Variants in CELF2 observed in about 807,000 individuals in gnomAD.
The protein encoded by CELF2 is CUGBP Elav-like family member 2, also known as CUG triplet repeat RNA-binding protein 2.
A neutral mutation model predicts 62.6 loss-of-function variants in CELF2; 8 were observed. That is an observed-to-expected ratio of 0.13 (90% CI 0.07 to 0.23). The LOEUF (loss-of-function observed/expected upper bound fraction) is 0.23. CELF2 is among the 10% of genes least tolerant of loss of function. The pLI is 1.00. For synonymous variants in CELF2, 258 were observed against 250.0 expected (o/e 1.03, Z -0.30); for missense variants, 333 against 671.0 (o/e 0.50, Z 5.56).
chr10:11,210,611 A>G (rs1292366582), intron 2 of CELF2, among the ~76,000 whole-genome samples: 1 of 152,218 alleles, frequency 6.6e-6, no homozygotes, highest in African/African-American at 2.4e-5. Flanking sequence ...AACTTTCCAG[A>G]AAGGTCCCTC....
intron 1 of CELF2, among the ~76,000 whole-genome samples, chr10:11,123,706 G>A (rs775275305): frequency 9.2e-5 from 14 of 152,140 alleles, no homozygotes; most frequent in African/African-American, 1.9e-4. Flanking sequence ...ATCCTGCTGC[G>A]CAGTGGCCAT....
At chr10:10,783,993 A>T in the CELF2 span, among the ~76,000 whole-genome samples, 221 of 152,292 alleles carry the variant, frequency 1.5e-3, 1 homozygote, top group East Asian at 5.0e-3. Context: ...TCCCAAAAAA[A>T]AAAAATAAAT....
chr10:10,997,568 G>A lies in CELF2; in HGVS notation c.89+77569G>A, dbSNP rs1326248631. On this transcript the variant is annotated intron_variant, in intron 2 of 13. Coordinates refer to the CELF2 transcript ENST00000636488. This position sits in a 1 kb window ranked among gnomAD's most constrained non-coding sequence, Gnocchi z 5.3. ...GCACCAAAGGTCATATTCACGTTTGGATCCCAGATAATGGTCGAGTAACGT... is the reference window on the plus strand; with the variant it reads ...GCACCAAAGGTCATATTCACGTTTGAATCCCAGATAATGGTCGAGTAACGT... Among the ~76,000 whole-genome samples the A allele has an allele frequency of 6.6e-6, 1 of 152,228 alleles. No homozygotes were observed. Among genetic ancestry groups the A allele is most frequent in the Non-Finnish European group, 1.5e-5 (1 of 68,042 alleles).
At chr10:10,762,104 T>C in the CELF2 span, among the ~76,000 whole-genome samples, 1 of 152,196 alleles carries the variant, frequency 6.6e-6, no homozygotes, top group African/African-American at 2.4e-5. Context: ...TGTTCTAAAA[T>C]TGGGAGAGAG....
At chr10:10,868,761 A>G (rs1334220477) in intron 1 of CELF2, among the ~76,000 whole-genome samples, 1 of 152,224 alleles carries the variant, frequency 6.6e-6, no homozygotes, top group African/African-American at 2.4e-5. Flanking sequence ...ACAGAAATCA[A>G]TGGATGTATC....
intron 2 of CELF2, among the ~76,000 whole-genome samples, chr10:11,195,653 T>C (rs2134762910): frequency 6.6e-6 from 1 of 152,346 alleles, no homozygotes; most frequent in African/African-American, 2.4e-5. Context: ...CAAGCTCTTT[T>C]GGCAGACCTT....
chr10:10,876,343 TCA>T (rs1395771665), intron 1 of CELF2, among the ~76,000 whole-genome samples: 2 of 152,152 alleles, frequency 1.3e-5, no homozygotes, highest in Non-Finnish European at 1.5e-5. Context: ...CATTCAACCC[TCA>T]CAGTTAAGTT....
the CELF2 span, among the ~76,000 whole-genome samples, chr10:10,677,591 A>G: frequency 6.6e-6 from 1 of 152,178 alleles, no homozygotes; most frequent in Non-Finnish European, 1.5e-5. Flanking sequence ...CCACTGAATG[A>G]TTGTCAACAC....
chr10:11,308,161 T>C lies in CELF2; in HGVS notation c.977-5978T>C, dbSNP rs983173766. On this transcript the variant is annotated intron_variant, in intron 9 of 12. Transcript: ENST00000633077. ...CTGTTAATCTTACTGGGATCCATGA[T>C]GAATCATTTTTCTCTTGCTCCATTC... 5.2e-5 allele frequency among the ~76,000 whole-genome samples: 8 copies of C among 152,382 alleles called. No individual in the cohort carries two copies. In the East Asian group the frequency reaches 9.6e-4, roughly 18 times the overall value.
At chr10:10,604,159 A>G in the CELF2 span, among the ~76,000 whole-genome samples, 6 of 152,334 alleles carry the variant, frequency 3.9e-5, no homozygotes, top group South Asian at 1.2e-3. Flanking sequence ...GCAGTGAGCC[A>G]TGATTTCACT....
the CELF2 span, among the ~76,000 whole-genome samples, chr10:10,701,963 A>G: frequency 1.3e-5 from 2 of 152,288 alleles, no homozygotes; most frequent in Non-Finnish European, 2.9e-5. Context: ...TCTGCAGTCA[A>G]CTCCAAATTA....
chr10:10,823,314 A>G (rs1409201934), intron 1 of CELF2, among the ~76,000 whole-genome samples: 1 of 152,170 alleles, frequency 6.6e-6, no homozygotes, highest in Non-Finnish European at 1.5e-5. Context: ...GTCTCACAGC[A>G]TCTTGGTTGC....
At chr10:10,718,623 CAA>C in the CELF2 span, among the ~76,000 whole-genome samples, 3,608 of 83,854 alleles carry the variant, frequency 0.043, 111 homozygotes, top group African/African-American at 0.12. Context: ...GACTCCGTCT[CAA>C]AAAAAAAAAA....
intron 1 of CELF2, among the ~76,000 whole-genome samples, chr10:11,059,987 TTTTA>T (rs1265122992): frequency 6.6e-6 from 1 of 152,248 alleles, no homozygotes; most frequent in Non-Finnish European, 1.5e-5. Flanking sequence ...CTTGGATTCT[TTTTA>T]TTTAAAAGTG....
chr10:10,694,523 T>C, the CELF2 span, among the ~76,000 whole-genome samples: 2 of 152,326 alleles, frequency 1.3e-5, no homozygotes, highest in East Asian at 3.9e-4. Flanking sequence ...AGATGTCTAC[T>C]AGGTCTGCTT....
At chr10:10,796,222 G>T (rs1429102384), upstream of CELF2, among the ~76,000 whole-genome samples, 5 of 152,140 alleles carry the variant, frequency 3.3e-5, no homozygotes, top group East Asian at 9.6e-4. Flanking sequence ...GTCTTCATTT[G>T]CATTAACAAA....
chr10:10,677,416 A>T, the CELF2 span, among the ~76,000 whole-genome samples: 1 of 152,206 alleles, frequency 6.6e-6, no homozygotes, highest in African/African-American at 2.4e-5. Context: ...TGAGGTTTGG[A>T]CCACAGGGCA....
At position 11,191,373 on chromosome 10, in the gene CELF2, T is replaced by C. The variant is rs1414539052; in HGVS notation, c.271+25691T>C. On this transcript the variant is annotated intron_variant, in intron 2 of 12. Coordinates refer to ENST00000633077, the MANE Select transcript of CELF2 (RefSeq NM_001326342.2). This position sits in a 1 kb window ranked among gnomAD's most constrained non-coding sequence, Gnocchi z 4.1. Reference sequence around the variant, plus strand: ...GTCCTGGTGTTTATAAGGGGCTCCATCACACATGTACCCGTCCTCTATTGT... The same window carrying C: ...GTCCTGGTGTTTATAAGGGGCTCCACCACACATGTACCCGTCCTCTATTGT... Among the ~76,000 whole-genome samples, 1 of 152,130 alleles carries C rather than the reference T, an allele frequency of 6.6e-6. No homozygotes were observed. The highest frequency in any genetic ancestry group is 1.9e-4 in the East Asian group (1 of 5,180).
rs559673480 is a variant in CELF2 at position 11,272,276 on chromosome 10, TTGCTC to T, written c.777+1457_777+1461del. Among the ~76,000 whole-genome samples, 4 of 152,360 alleles carry T rather than the reference TTGCTC, an allele frequency of 2.6e-5. No individual in the cohort carries two copies. The South Asian group carries it at 8.3e-4, about 32-fold the overall frequency. ...TCAGCTGTCTTGCTAAAATCTATATTTGCTCTGCTATTATTTTCTTGACTAATCAG... is the reference window on the plus strand; with the variant it reads ...TCAGCTGTCTTGCTAAAATCTATATTTGCTATTATTTTCTTGACTAATCAG... On this transcript the variant is annotated intron_variant, in intron 7 of 12. Transcript: ENST00000633077.
Sources: allele counts gnomAD v4.1 joint callset (sites outside exome capture counted in the v4.1 genomes callset), GRCh38; gene constraint gnomAD v4.1.1; non-coding constraint Gnocchi (gnomAD v3.1); transcripts MANE v1.5; gene names NCBI Gene and HGNC (gene_info 2026-07-23, HGNC 2026-07-21).